The following GFRA1 variants were observed in gnomAD, a reference collection of about 807,000 sequenced individuals.
GFRA1 encodes the protein GDNF family receptor alpha 1.
In GFRA1, 16 loss-of-function variants were observed where a neutral mutation model predicts 51.6. That is an observed-to-expected ratio of 0.31 (90% confidence interval 0.21 to 0.47). The LOEUF (loss-of-function observed/expected upper bound fraction) is 0.47. GFRA1 is among the 20% of genes least tolerant of loss of function. The pLI is 1.00. For synonymous variants in GFRA1, 270 were observed against 241.3 expected, an observed-to-expected ratio of 1.12 and a Z score of -1.10; for missense variants, 530 against 594.3, an observed-to-expected ratio of 0.89 and a Z score of 1.13.
intron 4 of GFRA1, among the ~76,000 whole-genome samples, chr10:116,225,582 G>A (rs901821782): frequency 7.2e-6 from 1 of 138,898 alleles, no homozygotes; most frequent in Non-Finnish European, 1.6e-5. Flanking sequence ...TTTTGAATGA[G>A]CTGTGTGAAA....
chr10:116,078,742 G>A (rs1955723023), intron 9 of GFRA1, among the ~76,000 whole-genome samples: 1 of 152,160 alleles, frequency 6.6e-6, no homozygotes. Flanking sequence ...AAAACAGTCT[G>A]TATCACACAG....
chr10:116,065,131 CCA>C (rs1193242616), intron 10 of GFRA1, among the ~76,000 whole-genome samples: 1 of 152,142 alleles, frequency 6.6e-6, no homozygotes, highest in African/African-American at 2.4e-5. Flanking sequence ...AAACCAGGGC[CCA>C]CACACAGCAG....
intron 9 of GFRA1, among the ~76,000 whole-genome samples, chr10:116,067,904 A>T (rs1460808237): frequency 6.6e-6 from 1 of 152,182 alleles, no homozygotes; most frequent in Non-Finnish European, 1.5e-5. Context: ...ATCAGCTCCA[A>T]GTCTGTGCAG....
intron 5 of GFRA1, among the ~76,000 whole-genome samples, chr10:116,210,137 A>G (rs775584533): frequency 1.3e-5 from 2 of 152,210 alleles, no homozygotes; most frequent in Non-Finnish European, 2.9e-5. Flanking sequence ...TTAAAAAAGA[A>G]GGCAAACTTG....
At chr10:116,259,414 T>C (rs2134749953) in intron 4 of GFRA1, among the ~76,000 whole-genome samples, 1 of 151,952 alleles carries the variant, frequency 6.6e-6, no homozygotes, top group African/African-American at 2.4e-5. Context: ...TTTAGAAGCC[T>C]TCCATCTCAC....
chr10:116,264,024 T>C (rs1030187944), intron 4 of GFRA1, among the ~76,000 whole-genome samples: 1 of 152,196 alleles, frequency 6.6e-6, no homozygotes. Flanking sequence ...AGATCCATTC[T>C]GGACATGCTA....
chr10:116,203,302 A>C (rs931537939), intron 5 of GFRA1, among the ~76,000 whole-genome samples: 1 of 152,138 alleles, frequency 6.6e-6, no homozygotes, highest in African/African-American at 2.4e-5. Flanking sequence ...AGCAAGCCAG[A>C]CTCCAAAAAC....
At chr10:116,266,156 G>A (rs1468236096) in intron 4 of GFRA1, among the ~76,000 whole-genome samples, 1 of 152,136 alleles carries the variant, frequency 6.6e-6, no homozygotes, top group Admixed American at 6.5e-5. Context: ...AGGAATCCAA[G>A]GAAAATGGAA....
rs964063195 is a variant in GFRA1 at position 116,229,299 on chromosome 10, C to T, written c.419-17654G>A. Among the ~76,000 whole-genome samples, 6 of 152,148 alleles carry T rather than the reference C, an allele frequency of 3.9e-5. 1 individual carries two copies. Among genetic ancestry groups the T allele is most frequent in the Admixed American group, 3.9e-4 (6 of 15,262 alleles). On this transcript the variant is annotated intron_variant, in intron 4 of 10. Coordinates refer to ENST00000355422, the MANE Select transcript of GFRA1 (RefSeq NM_005264.8). The stretch of plus-strand genomic sequence containing the variant: ...CAAGGAAAGCGATTACACAGAAAAA[C>T]AGCCAGCTTAACTAACTAGTCAATT...
intron 7 of GFRA1, among the ~76,000 whole-genome samples, chr10:116,096,280 A>C (rs2133904732): frequency 6.6e-6 from 1 of 152,104 alleles, no homozygotes. Context: ...CCCTTTCTCC[A>C]AAGTTCCCTA....
rs541201799 is a variant in GFRA1, at chr10:116,204,004, C to G, written c.433+7627G>C. 2.8e-3 allele frequency among the ~76,000 whole-genome samples: 433 copies of G among 152,290 alleles called. 1 individual carries two copies. The highest frequency in any genetic ancestry group is 4.9e-3 in the Non-Finnish European group (334 of 68,020). On this transcript the variant is annotated intron_variant, in intron 5 of 10. Coordinates refer to ENST00000355422, the MANE Select transcript of GFRA1 (RefSeq NM_005264.8). ...GTCCTGAGAACAAGCCTGGGTCTGG[C>G]GTAGAAGCAGAAGGGCATGCAACAA...
intron 9 of GFRA1, among the ~76,000 whole-genome samples, chr10:116,087,291 C>T (rs546631137): frequency 1.3e-5 from 2 of 151,982 alleles, no homozygotes; most frequent in Admixed American, 6.5e-5. Context: ...GGACAGGGGG[C>T]GGTGTGGAAG....
intron 5 of GFRA1, among the ~76,000 whole-genome samples, chr10:116,153,776 A>G (rs1389359094): frequency 6.6e-6 from 1 of 152,256 alleles, no homozygotes; most frequent in African/African-American, 2.4e-5. Flanking sequence ...TGTTCATCAA[A>G]TGATACCATT....
chr10:116,095,384 T>A (rs549911925), intron 7 of GFRA1, among the ~76,000 whole-genome samples: 1 of 152,342 alleles, frequency 6.6e-6, no homozygotes, highest in East Asian at 1.9e-4. Context: ...TCTGTATTTT[T>A]AAAACACTTT....
chr10:116,109,252 C>A (rs1201007862), intron 6 of GFRA1, among the ~76,000 whole-genome samples: 3 of 152,114 alleles, frequency 2.0e-5, no homozygotes, highest in Non-Finnish European at 4.4e-5. Flanking sequence ...CTCATACGCA[C>A]CCGCACAGCA....
rs532364254 is a variant in GFRA1 at position 116,120,301 on chromosome 10, C to T, written c.770+4920G>A. On this transcript the variant is annotated intron_variant, in intron 6 of 10. Transcript: ENST00000355422. Reference sequence around the variant, plus strand: ...CCAGCACTGTTGGCAAAGAGGAATGCAAATGTAACATTCAATTTCCAACTC... The same window carrying T: ...CCAGCACTGTTGGCAAAGAGGAATGTAAATGTAACATTCAATTTCCAACTC... Among the ~76,000 whole-genome samples, 10 of 152,302 alleles carry T rather than the reference C, an allele frequency of 6.6e-5. No individual in the cohort carries two copies. In the South Asian group the frequency reaches 2.1e-3, roughly 32 times the overall value.
In GFRA1 at chr10:116,063,825, T is replaced by A. The variant is rs1379825961; in HGVS notation, c.*573A>T. The A allele has an allele frequency of 4.4e-5, 7 of 159,188 alleles. No individual in the cohort carries two copies. Among genetic ancestry groups the A allele is most frequent in the Admixed American group, 4.2e-4 (7 of 16,664 alleles). The allele number at this position is 159,188 out of a possible 1,614,324, so 9.9% of individuals were successfully genotyped here. ...AGTACATAAACATCAGCGTGGAAAATGCTAGTACATATATAAAGGTGAACA... is the reference window on the plus strand; with the variant it reads ...AGTACATAAACATCAGCGTGGAAAAAGCTAGTACATATATAAAGGTGAACA... On this transcript the variant is annotated 3_prime_UTR_variant, in exon 11 of 11. Transcript: ENST00000355422.
intron 4 of GFRA1, among the ~76,000 whole-genome samples, chr10:116,219,567 G>C (rs1046279469): frequency 6.6e-6 from 1 of 152,012 alleles, no homozygotes; most frequent in Non-Finnish European, 1.5e-5. Context: ...TGACCTTCTC[G>C]GAATTCTTTT....
intron 5 of GFRA1, among the ~76,000 whole-genome samples, chr10:116,196,698 AATATATATT>A (rs1352809813): frequency 8.3e-5 from 4 of 48,078 alleles, no homozygotes; most frequent in Non-Finnish European, 1.4e-4. Context: ...TACTATATAT[AATATATATT>A]ATATATAGTA....
Sources: allele counts gnomAD v4.1 joint callset (sites outside exome capture counted in the v4.1 genomes callset), GRCh38; gene constraint gnomAD v4.1.1; transcripts MANE v1.5; gene names NCBI Gene and HGNC (gene_info 2026-07-23, HGNC 2026-07-21).